The following TTLL11 variants were observed in gnomAD, a reference collection of about 807,000 sequenced individuals.
TTLL11 encodes tubulin tyrosine ligase like 11.
TTLL11 carries 42 observed loss-of-function variants against 51.7 expected under a neutral mutation model. That is an observed-to-expected ratio of 0.81 (90% CI 0.64 to 1.05). The LOEUF is 1.05. TTLL11 is among the 50% of genes least tolerant of loss of function. TTLL11 has a pLI of 0.00. For missense variants in TTLL11, 799 were observed against 940.4 expected, an observed-to-expected ratio of 0.85 and a Z score of 1.97; for synonymous variants, 381 against 383.5, an observed-to-expected ratio of 0.99 and a Z score of 0.08.
At chr9:121,851,105 G>A (rs1212967840) in intron 8 of TTLL11, among the ~76,000 whole-genome samples, 2 of 152,156 alleles carry the variant, frequency 1.3e-5, no homozygotes, top group Non-Finnish European at 2.9e-5. Context: ...GGCTAGATAC[G>A]ATATGATTCC....
chr9:121,842,609 A>G (rs1376110153), intron 8 of TTLL11, among the ~76,000 whole-genome samples: 5 of 152,216 alleles, frequency 3.3e-5, no homozygotes, highest in Admixed American at 3.3e-4. Context: ...TAAGATGAAT[A>G]AGGTGAATAT....
rs368734336 is a variant in TTLL11 at position 121,903,260 on chromosome 9, G to C, written c.1482-32512C>G. On this transcript the variant is annotated intron_variant, in intron 6 of 8. Transcript: ENST00000321582. The stretch of plus-strand genomic sequence containing the variant: ...TTGCCCAGCATCACAACAAATAGGA[G>C]AGTCAGGATTGGAGCCCGAGTCCCA... Among the ~76,000 whole-genome samples, 672 of 152,214 alleles carry C rather than the reference G, an allele frequency of 4.4e-3. 2 individuals are homozygous for C. The highest frequency in any genetic ancestry group is 6.4e-3 in the Non-Finnish European group (438 of 68,024).
At chr9:121,953,691 A>G (rs1206767591) in intron 6 of TTLL11, among the ~76,000 whole-genome samples, 1 of 151,940 alleles carries the variant, frequency 6.6e-6, no homozygotes, top group African/African-American at 2.4e-5. Context: ...AACTACCAAG[A>G]AAGAACCAAG....
chr9:122,062,462 CTTTTTTT>C (rs386416145), intron 1 of TTLL11, among the ~76,000 whole-genome samples: 2 of 77,678 alleles, frequency 2.6e-5, no homozygotes, highest in African/African-American at 1.1e-4. Flanking sequence ...TTATATTATG[CTTTTTTT>C]TTTTTTTTTT....
chr9:121,939,925 G>T (rs905287871), intron 6 of TTLL11, among the ~76,000 whole-genome samples: 7 of 152,136 alleles, frequency 4.6e-5, no homozygotes, highest in African/African-American at 1.7e-4. Context: ...AGGCAGAGGG[G>T]AGCAGGGAAA....
At chr9:121,895,876 CTGTG>C (rs369706944) in intron 6 of TTLL11, among the ~76,000 whole-genome samples, 3 of 31,806 alleles carry the variant, frequency 9.4e-5, no homozygotes, top group Non-Finnish European at 1.9e-4. Context: ...GTTTGTGTGA[CTGTG>C]TGTCATTGTA....
intron 3 of TTLL11, among the ~76,000 whole-genome samples, chr9:122,001,083 G>A (rs558220212): frequency 1.4e-4 from 21 of 152,194 alleles, no homozygotes; most frequent in Admixed American, 4.6e-4. Flanking sequence ...GTGTATGTGT[G>A]TGCAACACTG....
chr9:121,991,167 G>A (rs1843101265), intron 3 of TTLL11, among the ~76,000 whole-genome samples: 1 of 152,210 alleles, frequency 6.6e-6, no homozygotes, highest in African/African-American at 2.4e-5. Flanking sequence ...TGCTGTGTAA[G>A]CCCAAGCCAG....
chr9:122,055,827 T>C (rs1845277661), intron 1 of TTLL11, among the ~76,000 whole-genome samples: 1 of 152,142 alleles, frequency 6.6e-6, no homozygotes. Context: ...CCATTTGAAC[T>C]GACTCTTGAC....
rs10985402 is a variant in TTLL11, at chr9:121,816,503, G to T, written c.*6084C>A. 0.22 allele frequency: 32,847 copies of T among 152,200 alleles called. 4,077 individuals are homozygous for T. Among genetic ancestry groups the T allele is most frequent in the East Asian group, 0.37 (1,907 of 5,170 alleles). 9.4% of individuals were successfully genotyped at this position (152,200 alleles called of 1,614,324 possible). Reference sequence around the variant, plus strand: ...GAAATGAGAAAAACATCGTAATTTTGCCATTTTCTACCAAAGCTCAACGGT... The same window carrying T: ...GAAATGAGAAAAACATCGTAATTTTTCCATTTTCTACCAAAGCTCAACGGT... On this transcript the variant is annotated 3_prime_UTR_variant, in exon 9 of 9. Coordinates refer to ENST00000321582, the MANE Select transcript of TTLL11 (RefSeq NM_001139442.2).
chr9:122,025,431 A>G (rs1252205794), intron 3 of TTLL11, among the ~76,000 whole-genome samples: 2 of 152,164 alleles, frequency 1.3e-5, no homozygotes, highest in Admixed American at 6.5e-5. Context: ...TCAGGAGTTC[A>G]AGACCAGCCT....
chr9:122,006,277 G>A (rs1843640358), intron 3 of TTLL11, among the ~76,000 whole-genome samples: 1 of 151,724 alleles, frequency 6.6e-6, no homozygotes. Context: ...GGAGGCAGAG[G>A]CTGCAGTGAG....
intron 2 of TTLL11, among the ~76,000 whole-genome samples, chr9:122,037,263 C>T (rs1844729449): frequency 6.6e-6 from 1 of 152,168 alleles, no homozygotes; most frequent in Non-Finnish European, 1.5e-5. Context: ...TAAGTGGCAT[C>T]ACAAAGCATC....
At chr9:122,035,896 T>C (rs185494547) in intron 2 of TTLL11, among the ~76,000 whole-genome samples, 4 of 152,102 alleles carry the variant, frequency 2.6e-5, no homozygotes, top group African/African-American at 7.2e-5. Context: ...CCTGCCCTGC[T>C]CACCTGACGC....
chr9:122,069,172 A>G (rs1181313461), intron 1 of TTLL11, among the ~76,000 whole-genome samples: 1 of 152,212 alleles, frequency 6.6e-6, no homozygotes, highest in Admixed American at 6.5e-5. Context: ...TGTTCAACAA[A>G]TCAACATTGA....
intron 6 of TTLL11, among the ~76,000 whole-genome samples, chr9:121,922,861 A>G (rs73546459): frequency 0.049 from 7,499 of 152,198 alleles, 476 homozygotes; most frequent in African/African-American, 0.15. Flanking sequence ...ATAATTTCCC[A>G]GTACTATAAA....
intron 6 of TTLL11, among the ~76,000 whole-genome samples, chr9:121,969,560 GGAAGT>G (rs1842500340): frequency 6.6e-6 from 1 of 152,182 alleles, no homozygotes; most frequent in Non-Finnish European, 1.5e-5. Context: ...GTCTGTGTGA[GGAAGT>G]GAAGACCCGC....
At chr9:121,874,573 T>A (rs1286173351) in intron 6 of TTLL11, among the ~76,000 whole-genome samples, 1 of 152,190 alleles carries the variant, frequency 6.6e-6, no homozygotes, top group Non-Finnish European at 1.5e-5. Flanking sequence ...ATACCCTACA[T>A]TGTAAGTATC....
intron 1 of TTLL11, among the ~76,000 whole-genome samples, chr9:122,091,781 G>A (rs917444216): frequency 6.6e-6 from 1 of 152,190 alleles, no homozygotes; most frequent in African/African-American, 2.4e-5. Flanking sequence ...CTTATATGCT[G>A]CAAATAAAGT....
Sources: gnomAD v4.1 joint callset for allele counts (sites outside exome capture counted in the v4.1 genomes callset) on GRCh38, gnomAD v4.1.1 for gene constraint, MANE v1.5 for transcripts, NCBI Gene and HGNC (gene_info 2026-07-23, HGNC 2026-07-21) for gene names.